MECOM: variants seen among roughly 807,000 people sequenced by gnomAD.
MECOM encodes histone-lysine N-methyltransferase MECOM.
A neutral mutation model predicts 116.3 loss-of-function variants in MECOM; 13 were observed. The ratio of observed to expected loss-of-function variants is 0.11; its 90% CI spans 0.07 to 0.18. The LOEUF (loss-of-function observed/expected upper bound fraction) is 0.18. Among genes scored for constraint, MECOM ranks in the 10% least tolerant of loss-of-function variants. MECOM has a pLI of 1.00. For missense variants in MECOM, 1,299 were observed against 1,509.0 expected (o/e 0.86, Z 2.31); for synonymous variants, 528 against 535.2 (o/e 0.99, Z 0.19).
intron 1 of MECOM, among the ~76,000 whole-genome samples, chr3:169,606,306 G>A (rs112758451): frequency 0.013 from 2,008 of 151,828 alleles, 20 homozygotes; most frequent in Non-Finnish European, 0.021. Context: ...CCAGCTACTC[G>A]GGAGGCTGAG....
At chr3:169,324,021 A>G (rs1721368592) in intron 2 of MECOM, among the ~76,000 whole-genome samples, 1 of 152,204 alleles carries the variant, frequency 6.6e-6, no homozygotes, top group Non-Finnish European at 1.5e-5. Context: ...GCTCTCTCCA[A>G]AAGGACACAG....
intron 1 of MECOM, among the ~76,000 whole-genome samples, chr3:169,600,260 C>T (rs1254389129): frequency 6.6e-6 from 1 of 152,168 alleles, no homozygotes; most frequent in African/African-American, 2.4e-5. Context: ...GCATGAGCCA[C>T]CGTGCCCAGC....
intron 1 of MECOM, among the ~76,000 whole-genome samples, chr3:169,599,332 G>A (rs1347469863): frequency 1.3e-5 from 2 of 151,954 alleles, no homozygotes; most frequent in African/African-American, 4.8e-5. Flanking sequence ...TGGCCAACAT[G>A]GTGAAACCCC....
intron 7 of MECOM, among the ~76,000 whole-genome samples, chr3:169,118,863 C>A (rs187362764): frequency 6.6e-6 from 1 of 152,108 alleles, no homozygotes; most frequent in African/African-American, 2.4e-5. Context: ...TTTTCTTAGG[C>A]AGAGGCTTTG....
Position 169,648,791 on chromosome 3 carries a change from A to G in MECOM, c.37+14545T>C, listed in dbSNP as rs1394373694. Among the ~76,000 whole-genome samples, 8 of 152,246 alleles carry G rather than the reference A, an allele frequency of 5.3e-5. No homozygotes were observed. In the East Asian group the frequency reaches 1.5e-3, roughly 29 times the overall value. On this transcript the variant is annotated intron_variant, in intron 1 of 16. Coordinates refer to ENST00000651503, the MANE Select transcript of MECOM (RefSeq NM_004991.4). ...GAGTTTATGTCAATTTGGGGGTAGC[A>G]CTATCTTCTACTGGATAAAAATTGA... is the stretch of plus-strand genomic sequence containing the variant.
intron 2 of MECOM, among the ~76,000 whole-genome samples, chr3:169,201,975 G>C (rs112707396): frequency 0.02 from 3,060 of 152,070 alleles, 73 homozygotes; most frequent in Non-Finnish European, 0.024. Flanking sequence ...ATTTATATTA[G>C]CAGTCCTTTC....
chr3:169,233,916 A>G (rs914100035), intron 2 of MECOM, among the ~76,000 whole-genome samples: 1 of 152,092 alleles, frequency 6.6e-6, no homozygotes, highest in Non-Finnish European at 1.5e-5. Flanking sequence ...GTTGCTGCTT[A>G]TCAGTTTTTT....
At chr3:169,663,106 C>A (rs988058476) in intron 1 of MECOM, among the ~76,000 whole-genome samples, 5 of 145,880 alleles carry the variant, frequency 3.4e-5, no homozygotes, top group Non-Finnish European at 7.6e-5. Flanking sequence ...GGTCGGTGCG[C>A]GGGACTGAGG....
chr3:169,663,406 T>C lies in MECOM; in HGVS notation c.-34A>G, dbSNP rs1776586194. 3 of 1,598,332 alleles carry C rather than the reference T, an allele frequency of 1.9e-6. No individual in the cohort carries two copies. The highest frequency in any genetic ancestry group is 2.6e-6 in the Non-Finnish European group (3 of 1,172,798). The stretch of plus-strand genomic sequence containing the variant: ...CAGTCCTGCAGCCGCTGGTGTGTGG[T>C]TGGGGCTTTTTTTTCTTGGATCCTT... On this transcript the variant is annotated 5_prime_UTR_variant, in exon 1 of 17. Transcript: ENST00000651503.
chr3:169,472,518 G>GA lies in MECOM; in HGVS notation c.38-90995dup, dbSNP rs1749522201. On this transcript the variant is annotated intron_variant, in intron 1 of 16. Transcript: ENST00000651503. Reference sequence around the variant, plus strand: ...GAAAGGAAAGGAAAGGAAAGGAAAGGAAAGAAAAGAAAAGAAAAGGAAAGG... The same window carrying GA: ...GAAAGGAAAGGAAAGGAAAGGAAAGGAAAAGAAAAGAAAAGAAAAGGAAAGG... Among the ~76,000 whole-genome samples the GA allele has an allele frequency of 2.3e-4, 16 of 70,130 alleles. 1 individual carries two copies. Among genetic ancestry groups the GA allele is most frequent in the East Asian group, 4.2e-4 (1 of 2,358 alleles). The allele number at this position is 70,130 out of a possible 152,430, so 46.0% of individuals were successfully genotyped here. A position where few individuals can be genotyped will look rare whatever the true frequency, so the allele number is the denominator to read the frequency against.
chr3:169,127,159 A>C (rs1262084853), intron 5 of MECOM, among the ~76,000 whole-genome samples: 3 of 152,106 alleles, frequency 2.0e-5, no homozygotes, highest in Non-Finnish European at 4.4e-5. Flanking sequence ...ACTTTTCAAA[A>C]AGTAGGTTCT....
chr3:169,654,095 A>C (rs1246171596), intron 1 of MECOM, among the ~76,000 whole-genome samples: 1 of 152,212 alleles, frequency 6.6e-6, no homozygotes, highest in East Asian at 1.9e-4. Flanking sequence ...ATTCCCAACA[A>C]TATTCACTGA....
chr3:169,660,325 A>C (rs192141762), intron 1 of MECOM, among the ~76,000 whole-genome samples: 55 of 152,194 alleles, frequency 3.6e-4, no homozygotes, highest in Admixed American at 5.9e-4. Flanking sequence ...TTTTTAATTA[A>C]ATTTTTTAAC....
intron 1 of MECOM, among the ~76,000 whole-genome samples, chr3:169,461,203 C>T (rs545457032): frequency 6.6e-6 from 1 of 152,264 alleles, no homozygotes; most frequent in East Asian, 1.9e-4. Flanking sequence ...TATTTTCGTA[C>T]TTCATCTATT....
chr3:169,461,460 C>T (rs1367500233), intron 1 of MECOM, among the ~76,000 whole-genome samples: 10 of 152,180 alleles, frequency 6.6e-5, no homozygotes, highest in East Asian at 3.9e-4. Context: ...TCTGTGCCTC[C>T]GCTTATACAG....
chr3:169,441,671 G>GGGAATATCA (rs1432042612), intron 1 of MECOM, among the ~76,000 whole-genome samples: 3 of 151,660 alleles, frequency 2.0e-5, no homozygotes, highest in Non-Finnish European at 2.9e-5. Flanking sequence ...TTTGGCAGAT[G>GGGAATATCA]GGAATATCAG....
intron 1 of MECOM, among the ~76,000 whole-genome samples, chr3:169,461,396 C>G (rs1199508905): frequency 1.3e-5 from 2 of 152,134 alleles, no homozygotes; most frequent in Non-Finnish European, 2.9e-5. Flanking sequence ...CCAGAGGAAG[C>G]TGACATCATG....
chr3:169,532,797 C>CT (rs1330037877), intron 1 of MECOM, among the ~76,000 whole-genome samples: 1 of 152,114 alleles, frequency 6.6e-6, no homozygotes, highest in African/African-American at 2.4e-5. Flanking sequence ...TCTGAGAGTC[C>CT]TTCAGGAGTG....
At chr3:169,092,855 G>T in intron 14 of MECOM, 103 bp downstream of exon 14, 2 of 1,350,998 alleles carry the variant, frequency 1.5e-6, no homozygotes, top group Non-Finnish European at 2.1e-6. Flanking sequence ...AGTCTTTGGT[G>T]ACTGAAGTAA....
Sources: gnomAD v4.1 joint callset for allele counts (sites outside exome capture counted in the v4.1 genomes callset) on GRCh38, gnomAD v4.1.1 for gene constraint, MANE v1.5 for transcripts, NCBI Gene and HGNC (gene_info 2026-07-23, HGNC 2026-07-21) for gene names.